Variants in ENTREP1 observed in about 807,000 individuals in gnomAD.
ENTREP1 encodes endosomal transmembrane epsin interactor 1.
At chr9:69,342,623 C>CA in the ENTREP1 span, among the ~76,000 whole-genome samples, 1 of 152,106 alleles carries the variant, frequency 6.6e-6, no homozygotes, top group Admixed American at 6.5e-5. Context: ...AATGAGTGGC[C>CA]AAGGAAATGA....
chr9:69,387,892 C>T, the ENTREP1 span: 2 of 1,396,620 alleles, frequency 1.4e-6, no homozygotes, highest in Admixed American at 4.4e-5. Context: ...TCTGGATTCT[C>T]CTCTCCACCA....
At chr9:69,377,420 C>T in the ENTREP1 span, 3 of 1,614,108 alleles carry the variant, frequency 1.9e-6, no homozygotes, top group Non-Finnish European at 2.5e-6. Context: ...CCACCGTCTG[C>T]TTGGTGGCCG....
At chr9:69,346,054 C>T in the ENTREP1 span, among the ~76,000 whole-genome samples, 2 of 151,832 alleles carry the variant, frequency 1.3e-5, no homozygotes, top group East Asian at 3.9e-4. Context: ...GCGATCTTGG[C>T]TTACTGCAGC....
the ENTREP1 span, among the ~76,000 whole-genome samples, chr9:69,326,732 TA>T: frequency 9.9e-5 from 15 of 152,200 alleles, 1 homozygote; most frequent in East Asian, 2.9e-3. Context: ...TTTTAATTTT[TA>T]ATTTTTATTT....
chr9:69,361,693 A>G, the ENTREP1 span, among the ~76,000 whole-genome samples: 1 of 152,142 alleles, frequency 6.6e-6, no homozygotes, highest in Non-Finnish European at 1.5e-5. Context: ...GGTTGTACCA[A>G]TTTCTAATTC....
chr9:69,391,866 G>A, the ENTREP1 span: 44 of 1,472,922 alleles, frequency 3.0e-5, no homozygotes, highest in Non-Finnish European at 3.9e-5. Flanking sequence ...CCATTTCTTG[G>A]CTGGGAGCTG....
At chr9:69,333,159 A>G in the ENTREP1 span, among the ~76,000 whole-genome samples, 1 of 152,190 alleles carries the variant, frequency 6.6e-6, no homozygotes, top group Admixed American at 6.5e-5. Flanking sequence ...AGAGAAAAAT[A>G]CATATATATG....
the ENTREP1 span, chr9:69,388,117 G>T: frequency 6.2e-7 from 1 of 1,613,762 alleles, no homozygotes; most frequent in South Asian, 1.1e-5. Context: ...TGTTCAAAAG[G>T]GGTTGGCCAA....
chr9:69,363,551 T>G, the ENTREP1 span, among the ~76,000 whole-genome samples: 43 of 152,306 alleles, frequency 2.8e-4, no homozygotes, highest in South Asian at 8.9e-3. Context: ...ACTGTTAACC[T>G]TTTCTAAGCC....
chr9:69,366,346 A>C, the ENTREP1 span, among the ~76,000 whole-genome samples: 1 of 146,884 alleles, frequency 6.8e-6, no homozygotes, highest in African/African-American at 2.5e-5. Context: ...GTCTATCCAC[A>C]ATCTTTGCCC....
the ENTREP1 span, among the ~76,000 whole-genome samples, chr9:69,378,582 C>A: frequency 1.3e-5 from 2 of 151,638 alleles, no homozygotes; most frequent in Non-Finnish European, 2.9e-5. Flanking sequence ...CCTGGCTAAC[C>A]CCCGTCTCTA....
chr9:69,368,379 A>T, the ENTREP1 span, among the ~76,000 whole-genome samples: 1 of 152,030 alleles, frequency 6.6e-6, no homozygotes, highest in East Asian at 1.9e-4. Flanking sequence ...TTCTATGCCT[A>T]GTCTGTTGAA....
At chr9:69,383,837 G>A in the ENTREP1 span, 1 of 1,586,102 alleles carries the variant, frequency 6.3e-7, no homozygotes, top group South Asian at 1.1e-5. Flanking sequence ...CCTGCCCCCA[G>A]AGAACAGCAG....
the ENTREP1 span, chr9:69,382,187 T>A: frequency 6.6e-6 from 1 of 152,368 alleles, no homozygotes; most frequent in African/African-American, 2.4e-5. Flanking sequence ...TAGGTCTCAT[T>A]GATGAAAGCA....
At chr9:69,344,369 G>C in the ENTREP1 span, among the ~76,000 whole-genome samples, 1 of 152,236 alleles carries the variant, frequency 6.6e-6, no homozygotes, top group Non-Finnish European at 1.5e-5. Flanking sequence ...ACTGTTTACA[G>C]TGGACCCCTC....
chr9:69,375,611 A>G, the ENTREP1 span: 3 of 731,392 alleles, frequency 4.1e-6, no homozygotes, highest in Non-Finnish European at 6.8e-6. Context: ...ATCCTGACTG[A>G]TAGAGGCATT....
chr9:69,379,548 G>T, the ENTREP1 span: 1 of 152,240 alleles, frequency 6.6e-6, no homozygotes, highest in Non-Finnish European at 1.5e-5. Context: ...GAATGACAGA[G>T]GCTGAAGAGA....
At chr9:69,339,050 TTCTC>T in the ENTREP1 span, among the ~76,000 whole-genome samples, 1 of 152,118 alleles carries the variant, frequency 6.6e-6, no homozygotes. Flanking sequence ...GAGAGGGTCT[TTCTC>T]TGTTGCCCAG....
At chr9:69,367,340 C>T in the ENTREP1 span, among the ~76,000 whole-genome samples, 1 of 151,354 alleles carries the variant, frequency 6.6e-6, no homozygotes, top group Non-Finnish European at 1.5e-5. Flanking sequence ...GCTCTTTGGG[C>T]ATTTTTTTGG....
Sources: allele counts gnomAD v4.1 joint callset (sites outside exome capture counted in the v4.1 genomes callset), GRCh38; gene constraint gnomAD v4.1.1; transcripts MANE v1.5; gene names NCBI Gene and HGNC (gene_info 2026-07-23, HGNC 2026-07-21).